The following SNX24 variants were observed in gnomAD, a reference collection of about 807,000 sequenced individuals.
SNX24 encodes sorting nexin-24.
SNX24 carries 22 observed loss-of-function variants against 28.7 expected under a neutral mutation model. The ratio of observed to expected loss-of-function variants is 0.77; its 90% CI spans 0.55 to 1.10. The LOEUF is 1.10. Ranked by LOEUF, SNX24 falls within the 50% of genes least tolerant of loss-of-function variation. The probability of loss-of-function intolerance (pLI) is 0.00; values close to 1 mark genes in which losing one functional copy is unlikely to be tolerated. For synonymous variants in SNX24, 69 were observed against 71.5 expected (o/e 0.96, Z 0.18); for missense variants, 221 against 201.1 (o/e 1.10, Z -0.60).
rs574262559 is a variant in SNX24, at chr5:122,979,018, T to A, written c.250-20894T>A. On this transcript the variant is annotated intron_variant, in intron 3 of 6. Coordinates refer to ENST00000261369, the MANE Select transcript of SNX24 (RefSeq NM_014035.4). ...TTCAATGAGAATGTATTCTGTGTAATCTACAGGGTAAATGTAATATATCCC... is the reference window on the plus strand; with the variant it reads ...TTCAATGAGAATGTATTCTGTGTAAACTACAGGGTAAATGTAATATATCCC... 5.3e-5 allele frequency among the ~76,000 whole-genome samples: 8 copies of A among 152,276 alleles called. No individual in the cohort carries two copies. The South Asian group carries it at 1.4e-3, about 28-fold the overall frequency.
intron 1 of SNX24, among the ~76,000 whole-genome samples, chr5:122,883,803 G>T (rs1298652436): frequency 6.6e-6 from 1 of 151,972 alleles, no homozygotes; most frequent in Non-Finnish European, 1.5e-5. Context: ...GCACGCATGC[G>T]CCACCACACC....
chr5:122,921,886 A>G (rs1758446672), intron 1 of SNX24, among the ~76,000 whole-genome samples: 1 of 152,232 alleles, frequency 6.6e-6, no homozygotes. Flanking sequence ...AAAGCAGTCA[A>G]ACAAATTACG....
intron 2 of SNX24, among the ~76,000 whole-genome samples, chr5:122,943,381 C>A (rs1032505151): frequency 2.0e-5 from 3 of 151,442 alleles, no homozygotes; most frequent in African/African-American, 7.4e-5. Flanking sequence ...CTGCCCTTCT[C>A]TCTGTACCCC....
downstream of SNX24, among the ~76,000 whole-genome samples, chr5:123,012,162 A>C (rs2577102): frequency 0.23 from 35,197 of 152,118 alleles, 5,201 homozygotes; most frequent in Non-Finnish European, 0.34. Context: ...GCCTCCCCAG[A>C]CATGTGGAAC....
At chr5:122,948,323 C>T (rs577414586) in intron 3 of SNX24, among the ~76,000 whole-genome samples, 1 of 152,246 alleles carries the variant, frequency 6.6e-6, no homozygotes, top group South Asian at 2.1e-4. Flanking sequence ...CATTCATGCT[C>T]AGGACCAGTC....
At chr5:122,862,859 C>A (rs1581680960) in intron 1 of SNX24, among the ~76,000 whole-genome samples, 1 of 151,972 alleles carries the variant, frequency 6.6e-6, no homozygotes, top group East Asian at 1.9e-4. Context: ...TATTTATATA[C>A]CCTTTGAAAC....
chr5:122,951,285 A>G (rs1284893456), intron 3 of SNX24, among the ~76,000 whole-genome samples: 1 of 150,018 alleles, frequency 6.7e-6, no homozygotes, highest in Non-Finnish European at 1.5e-5. Context: ...AAAAAAAAGA[A>G]AAAGAAAAGA....
At chr5:122,981,414 G>A (rs1422651452) in intron 3 of SNX24, among the ~76,000 whole-genome samples, 1 of 152,086 alleles carries the variant, frequency 6.6e-6, no homozygotes, top group South Asian at 2.1e-4. Context: ...AGATGAAAAA[G>A]ATGTACTTTT....
At position 122,846,543 on chromosome 5, in the gene SNX24, C is replaced by T. The variant is rs148701707; in HGVS notation, c.60+850C>T. Among the ~76,000 whole-genome samples the T allele has an allele frequency of 1.4e-4, 21 of 152,338 alleles. No homozygotes were observed. The East Asian group carries it at 3.9e-3, about 28-fold the overall frequency. On this transcript the variant is annotated intron_variant, in intron 1 of 6. Coordinates refer to ENST00000261369, the MANE Select transcript of SNX24 (RefSeq NM_014035.4). ...TCTGAAAGATTTGTTATTTTATTTA[C>T]ATCAATCACACACTTGCTAAACACC...
intron 3 of SNX24, chr5:122,965,504 AAAGAT>A (rs537189115): frequency 5.5e-5 from 25 of 454,750 alleles, no homozygotes; most frequent in African/African-American, 4.0e-4. Flanking sequence ...TATTTGGAGA[AAAGAT>A]AATTGTGTAA....
chr5:122,990,309 T>C (rs1372064395), intron 3 of SNX24, among the ~76,000 whole-genome samples: 2 of 152,200 alleles, frequency 1.3e-5, no homozygotes, highest in Non-Finnish European at 2.9e-5. Context: ...TGACTAAATA[T>C]ATTGTTATAA....
chr5:122,987,512 G>A (rs952681757), intron 3 of SNX24, among the ~76,000 whole-genome samples: 4 of 152,310 alleles, frequency 2.6e-5, no homozygotes, highest in African/African-American at 9.6e-5. Context: ...TGTATTCTGT[G>A]ATTTTTCTCA....
intron 1 of SNX24, among the ~76,000 whole-genome samples, chr5:122,926,879 A>C (rs116188234): frequency 1.3e-5 from 2 of 152,328 alleles, no homozygotes; most frequent in African/African-American, 4.8e-5. Flanking sequence ...TGCATGCATT[A>C]CAGGGTCAAC....
intron 1 of SNX24, among the ~76,000 whole-genome samples, chr5:122,854,279 C>G (rs1021055309): frequency 6.6e-6 from 1 of 152,006 alleles, no homozygotes; most frequent in Non-Finnish European, 1.5e-5. Context: ...GAGGCTGAGG[C>G]GGGTGGATCA....
chr5:122,895,460 A>T (rs529383373), intron 1 of SNX24, among the ~76,000 whole-genome samples: 3 of 152,320 alleles, frequency 2.0e-5, no homozygotes, highest in African/African-American at 7.2e-5. Flanking sequence ...ACCATTTTGT[A>T]TCCCACATCT....
intron 1 of SNX24, among the ~76,000 whole-genome samples, chr5:122,916,541 T>G (rs1172561069): frequency 6.6e-6 from 1 of 152,222 alleles, no homozygotes; most frequent in African/African-American, 2.4e-5. Context: ...TGAGCCTTGA[T>G]CCTGATGCTT....
chr5:122,870,319 G>C (rs1755914959), intron 1 of SNX24, among the ~76,000 whole-genome samples: 1 of 152,190 alleles, frequency 6.6e-6, no homozygotes, highest in African/African-American at 2.4e-5. Flanking sequence ...GCAGCAGGAA[G>C]CTCCGCTGCT....
chr5:122,889,394 T>C (rs1220127474), intron 1 of SNX24, among the ~76,000 whole-genome samples: 1 of 152,092 alleles, frequency 6.6e-6, no homozygotes, highest in African/African-American at 2.4e-5. Flanking sequence ...ATCTGAAATC[T>C]GAAGTGCTCC....
At chr5:122,975,504 T>C (rs1379881790) in intron 3 of SNX24, among the ~76,000 whole-genome samples, 2 of 152,182 alleles carry the variant, frequency 1.3e-5, no homozygotes, top group Non-Finnish European at 2.9e-5. Context: ...ACTTGATATA[T>C]TTAACTTTTG....
Sources: gnomAD v4.1 joint callset for allele counts (sites outside exome capture counted in the v4.1 genomes callset) on GRCh38, gnomAD v4.1.1 for gene constraint, MANE v1.5 for transcripts, NCBI Gene and HGNC (gene_info 2026-07-23, HGNC 2026-07-21) for gene names.